TCEAL1: variants seen among roughly 807,000 people sequenced by gnomAD.
TCEAL1 encodes transcription elongation factor A protein-like 1.
For synonymous variants in TCEAL1, 48 were observed against 46.0 expected (o/e 1.04, Z -0.17); for missense variants, 82 against 125.9 (o/e 0.65, Z 1.67).
chrX:103,630,440 C>A lies in TCEAL1; in HGVS notation c.*44C>A, dbSNP rs2073718620. The A allele has an allele frequency of 9.0e-7, 1 of 1,106,970 alleles. No homozygotes were observed. Among genetic ancestry groups the A allele is most frequent in the Admixed American group, 3.5e-5 (1 of 28,740 alleles). The allele number at this position is 1,106,970 out of a possible 1,213,427, so 91.2% of individuals were successfully genotyped here. ...CTGTTTTGCCTGCTAATAGTATTGC[C>A]ATTGCCACCTGGACTTTCTGTTTGC... On this transcript the variant is annotated 3_prime_UTR_variant, in exon 3 of 3. Coordinates refer to ENST00000372625, the MANE Select transcript of TCEAL1 (RefSeq NM_004780.3).
intron 2 of TCEAL1, 64 bp downstream of exon 2, chrX:103,629,637 G>T (rs959422036): frequency 1.6e-5 from 5 of 303,862 alleles, no homozygotes; most frequent in Non-Finnish European, 2.8e-5. Context: ...TCTGCAGGCC[G>T]CACTGTCCCG....
In TCEAL1 at chrX:103,629,992, GAGCACTCTCCCGAAA is replaced by G; in HGVS notation, c.81_95del (p.His27_Lys31del). On this transcript the variant is annotated inframe_deletion, in exon 3 of 3. Coordinates refer to ENST00000372625, the MANE Select transcript of TCEAL1 (RefSeq NM_004780.3). ...GACCGATGAGGAGAGGCCTCCGGTG[GAGCACTCTCCCGAAA>G]AGCAGTCCCCCGAGGAGCAGTCTTC... is the stretch of plus-strand genomic sequence containing the variant. 4 of 1,199,832 alleles carry G rather than the reference GAGCACTCTCCCGAAA, an allele frequency of 3.3e-6. No homozygotes were observed. In the South Asian group the frequency reaches 7.2e-5, roughly 22 times the overall value.
At chrX:103,629,187 G>T (rs1321643690) in intron 1 of TCEAL1, among the ~76,000 whole-genome samples, 162 bp downstream of exon 1, 1 of 111,727 alleles carries the variant, frequency 9.0e-6, no homozygotes, top group Non-Finnish European at 1.9e-5. Context: ...GTGGTCTTTG[G>T]GGCGGGGTGG....
In TCEAL1 at chrX:103,629,987, C is replaced by T; in HGVS notation, c.71C>T (p.Pro24Leu). 8.4e-7 allele frequency: 1 copy of T among 1,195,216 alleles called. No homozygotes were observed. Among genetic ancestry groups the T allele is most frequent in the East Asian group, 3.0e-5 (1 of 32,929 alleles). The change falls in exon 3 of 3, where the codon CCG (proline) becomes CTG (leucine). Residue 24 changes from proline (P) to leucine (L), a missense_variant. Physicochemically the swap from Pro to Leu is moderately conservative, Grantham distance 98. Coordinates refer to ENST00000372625, the MANE Select transcript of TCEAL1 (RefSeq NM_004780.3). ...SAPKTDEERP[P>L]VEHSPEKQSP... Reference sequence around the variant, plus strand: ...CCCAAGACCGATGAGGAGAGGCCTCCGGTGGAGCACTCTCCCGAAAAGCAG... The same window carrying T: ...CCCAAGACCGATGAGGAGAGGCCTCTGGTGGAGCACTCTCCCGAAAAGCAG...
chrX:103,629,801 A>G lies in TCEAL1; in HGVS notation c.-32-84A>G, dbSNP rs780470957. 45 of 914,498 alleles carry G rather than the reference A, an allele frequency of 4.9e-5. No individual in the cohort carries two copies. In the Admixed American group the frequency reaches 9.0e-4, roughly 18 times the overall value. 75.4% of individuals were successfully genotyped at this position (914,498 alleles called of 1,213,427 possible). A position where few individuals can be genotyped will look rare whatever the true frequency, so the allele number is the denominator to read the frequency against. ...GAGGACCTGGCCCCCGAATCAGGAA[A>G]AGGCAGGTATTGGAACCCACGGCCT... On this transcript the variant is annotated intron_variant, in intron 2 of 2. Coordinates refer to ENST00000372625, the MANE Select transcript of TCEAL1 (RefSeq NM_004780.3).
chrX:103,629,766 G>A (rs1356742063), intron 2 of TCEAL1, 119 bp from the exon 3 acceptor site: 5 of 663,783 alleles, frequency 7.5e-6, no homozygotes, highest in Non-Finnish European at 1.1e-5. Flanking sequence ...CTCTGGGAAA[G>A]CGCAAGGTTG....
At chrX:103,628,785 CAAAG>C (rs1247922695), upstream of TCEAL1, 1 of 110,545 alleles carries the variant, frequency 9.0e-6, no homozygotes, top group Non-Finnish European at 1.9e-5. Flanking sequence ...AAGGCAAATA[CAAAG>C]AGAGGTGAGT....
chrX:103,629,665 G>A (rs1396312844), intron 2 of TCEAL1, 92 bp downstream of exon 2: 2 of 361,706 alleles, frequency 5.5e-6, no homozygotes, highest in Non-Finnish European at 9.4e-6. Flanking sequence ...CACTGCGGGC[G>A]AGGCCTGTAG....
In TCEAL1 at chrX:103,630,215, G is replaced by A; in HGVS notation, c.299G>A (p.Gly100Glu). The change falls in exon 3 of 3, where the codon GGA becomes GAA. Residue 100 changes from glycine (G) to glutamate (E), a missense_variant. Coordinates refer to ENST00000372625, the MANE Select transcript of TCEAL1 (RefSeq NM_004780.3). ...GTAGGAAAACATAAGCTTGAAGAAG[G>A]AAGCTTTAAAGAAAGGTTGGCTCGT... ...CGVGKHKLEE[G>E]SFKERLARSR... 1 of 1,211,932 alleles carries A rather than the reference G, an allele frequency of 8.3e-7. No individual in the cohort carries two copies. The highest frequency in any genetic ancestry group is 1.1e-6 in the Non-Finnish European group (1 of 895,534).
intron 1 of TCEAL1, among the ~76,000 whole-genome samples, 152 bp downstream of exon 1, chrX:103,629,177 G>A (rs1272718978): frequency 1.8e-5 from 2 of 111,879 alleles, no homozygotes; most frequent in South Asian, 3.8e-4. Context: ...GCAAAATATG[G>A]TGGTCTTTGG....
In TCEAL1 at chrX:103,629,904, G is replaced by A. The variant is rs1211817502; in HGVS notation, c.-13G>A. ...CCTAAGAATAACTGTGCTTGAAGAA[G>A]AAAATTCCCAACATGGACAAACCAC... is the stretch of plus-strand genomic sequence containing the variant. On this transcript the variant is annotated 5_prime_UTR_variant, in exon 3 of 3. Transcript: ENST00000372625. The A allele has an allele frequency of 8.9e-7, 1 of 1,123,362 alleles. No individual in the cohort carries two copies. Among genetic ancestry groups the A allele is most frequent in the Non-Finnish European group, 1.2e-6 (1 of 853,401 alleles). 92.6% of individuals were successfully genotyped at this position (1,123,362 alleles called of 1,213,427 possible).
rs773422658 is a variant in TCEAL1, at chrX:103,630,234, G to C, written c.318G>C (p.Leu106Phe). 2 of 1,211,969 alleles carry C rather than the reference G, an allele frequency of 1.7e-6. No homozygotes were observed. Among genetic ancestry groups the C allele is most frequent in the Non-Finnish European group, 2.2e-6 (2 of 895,584 alleles). The change falls in exon 3 of 3, where the codon TTG (leucine) becomes TTC (phenylalanine). Residue 106 changes from leucine to phenylalanine, a missense_variant. Transcript: ENST00000372625. The part of the protein sequence containing the change: ...KLEEGSFKER[L>F]ARSRPQFRGD... ...AAGAAGGAAGCTTTAAAGAAAGGTT[G>C]GCTCGTTCTCGCCCGCAATTTAGAG...
chrX:103,629,192 G>A (rs1387064473), intron 1 of TCEAL1, among the ~76,000 whole-genome samples, 167 bp downstream of exon 1: 1 of 111,885 alleles, frequency 8.9e-6, no homozygotes, highest in Non-Finnish European at 1.9e-5. Flanking sequence ...CTTTGGGGCG[G>A]GGTGGGGAGG....
rs770191600 is a variant in TCEAL1, at chrX:103,629,940, TGAA to T, written c.30_32del (p.Glu11del). 1.4e-5 allele frequency: 16 copies of T among 1,140,993 alleles called. No homozygotes were observed. Among genetic ancestry groups the T allele is most frequent in the East Asian group, 3.2e-5 (1 of 30,799 alleles). 94.0% of individuals were successfully genotyped at this position (1,140,993 alleles called of 1,213,427 possible). ...ACATGGACAAACCACGCAAAGAAAA[TGAA>T]GAAGAGCCGCAGAGCGCGCCCAAGA... is the stretch of plus-strand genomic sequence containing the variant. On this transcript the variant is annotated inframe_deletion, in exon 3 of 3. Coordinates refer to ENST00000372625, the MANE Select transcript of TCEAL1 (RefSeq NM_004780.3).
In TCEAL1 at chrX:103,630,069, G is replaced by C; in HGVS notation, c.153G>C (p.Glu51Asp). ...EQSSEEEFFP[E>D]ELLPELLPEM... ...CCTCGGAGGAGGAGTTCTTTCCTGA[G>C]GAGCTCTTGCCTGAGCTCCTGCCTG... Residue 51 changes from glutamate (E) to aspartate (D), a missense_variant, in exon 3 of 3, where the codon GAG becomes GAC. By Grantham distance (45) the Glu-to-Asp change is conservative (BLOSUM62 2). Transcript: ENST00000372625. The C allele has an allele frequency of 8.3e-7, 1 of 1,210,767 alleles. No homozygotes were observed. Among genetic ancestry groups the C allele is most frequent in the Non-Finnish European group, 1.1e-6 (1 of 895,047 alleles).
chrX:103,630,721 A>T lies in TCEAL1; in HGVS notation c.*325A>T, dbSNP rs12689903. On this transcript the variant is annotated 3_prime_UTR_variant, in exon 3 of 3. Transcript: ENST00000372625. ...ATGTATATTTATATATTAATATGCA[A>T]AGAAAAAGCTAAAAGTATAGACTTC... is the stretch of plus-strand genomic sequence containing the variant. 144 of 145,031 alleles carry T rather than the reference A, an allele frequency of 9.9e-4. 1 individual carries two copies. The East Asian group carries it at 0.027, about 27-fold the overall frequency. The allele number at this position is 145,031 out of a possible 1,213,427, so 12.0% of individuals were successfully genotyped here. A position where few individuals can be genotyped will look rare whatever the true frequency, so the allele number is the denominator to read the frequency against.
At position 103,630,541 on chromosome X, in the gene TCEAL1, C is replaced by T. The variant is rs2073718982; in HGVS notation, c.*145C>T. ...TTTATTTTAGATGTTTAGCATGTAA[C>T]TCGCTTAAAGTTGAGGTTTCCCCCT... On this transcript the variant is annotated 3_prime_UTR_variant, in exon 3 of 3. Transcript: ENST00000372625. The T allele has an allele frequency of 4.2e-6, 3 of 718,437 alleles. No homozygotes were observed. Among genetic ancestry groups the T allele is most frequent in the South Asian group, 6.8e-5 (2 of 29,554 alleles). 59.2% of individuals were successfully genotyped at this position (718,437 alleles called of 1,213,427 possible).
intron 2 of TCEAL1, 152 bp downstream of exon 2, chrX:103,629,725 G>A: frequency 4.5e-6 from 2 of 443,494 alleles, no homozygotes; most frequent in East Asian, 8.1e-5. Context: ...GGGGCGACCG[G>A]GAAGCGGCGG....
At position 103,629,955 on chromosome X, in the gene TCEAL1, G is replaced by C; in HGVS notation, c.39G>C (p.Gln13His). The C allele has an allele frequency of 8.6e-7, 1 of 1,156,641 alleles. No individual in the cohort carries two copies. Among genetic ancestry groups the C allele is most frequent in the Non-Finnish European group, 1.1e-6 (1 of 869,715 alleles). The change falls in exon 3 of 3, where the codon CAG becomes CAC. Residue 13 changes from glutamine (Q) to histidine (H), a missense_variant. Physicochemically the swap from Gln to His is conservative, Grantham distance 24 (BLOSUM62 0). Transcript: ENST00000372625. ...GCAAAGAAAATGAAGAAGAGCCGCA[G>C]AGCGCGCCCAAGACCGATGAGGAGA... Reference protein sequence around the residue: ...KPRKENEEEPQSAPKTDEERP... With the variant: ...KPRKENEEEPHSAPKTDEERP...
Sources: gnomAD v4.1 joint callset for allele counts (sites outside exome capture counted in the v4.1 genomes callset) on GRCh38, gnomAD v4.1.1 for gene constraint, MANE v1.5 for transcripts, NCBI Gene and HGNC (gene_info 2026-07-23, HGNC 2026-07-21) for gene names.